The following SCARA3 variants were observed in gnomAD, a reference collection of about 807,000 sequenced individuals.
SCARA3 encodes the protein scavenger receptor class A member 3, also known as cellular stress response gene protein.
SCARA3 carries 39 observed loss-of-function variants against 47.0 expected under a neutral mutation model. The observed-to-expected ratio is 0.83, with a 90% CI of 0.64 to 1.08. The LOEUF (loss-of-function observed/expected upper bound fraction) is 1.08, where lower values mean the gene tolerates loss of function less well. SCARA3 is among the 50% of genes least tolerant of loss of function. The pLI is 0.00. For synonymous variants in SCARA3, 356 were observed against 334.1 expected (o/e 1.07, Z -0.71); for missense variants, 724 against 792.3 (o/e 0.91, Z 1.04).
intron 1 of SCARA3, among the ~76,000 whole-genome samples, chr8:27,644,644 G>GAGAGAC (rs1801453846): frequency 6.6e-6 from 1 of 151,632 alleles, no homozygotes; most frequent in Non-Finnish European, 1.5e-5. Context: ...GAGAGAGAGA[G>GAGAGAC]AGAAGAGAGA....
At chr8:27,707,385 G>A in the SCARA3 span, among the ~76,000 whole-genome samples, 1 of 151,922 alleles carries the variant, frequency 6.6e-6, no homozygotes, top group Non-Finnish European at 1.5e-5. Context: ...CAACCAGTCT[G>A]ATATGGTCAG....
At chr8:27,646,973 C>CT (rs1563402953) in intron 1 of SCARA3, among the ~76,000 whole-genome samples, 1 of 17,440 alleles carries the variant, frequency 5.7e-5, no homozygotes, top group Non-Finnish European at 3.0e-4. Context: ...ACCGCCCCCG[C>CT]CCCCCCCCCG....
rs535849255 is a variant in SCARA3, at chr8:27,659,065, G to A, written c.895G>A (p.Asp299Asn). Residue 299 changes from aspartate (D) to asparagine (N), a missense_variant, in exon 5 of 6, where the codon GAC (aspartate) becomes AAC (asparagine). By Grantham distance (23) the Asp-to-Asn change is conservative. Transcript: ENST00000301904. ...RISQNSESMH[D>N]LVLQVMGLQL... ...CAGCCAGAACTCAGAGAGCATGCAC[G>A]ACCTGGTACTCCAGGTCATGGGCTT... 14 of 1,614,048 alleles carry A rather than the reference G, an allele frequency of 8.7e-6. No individual in the cohort carries two copies. In the South Asian group the frequency reaches 1.2e-4, roughly 14 times the overall value.
chr8:27,641,246 C>A (rs1169506585), intron 1 of SCARA3, among the ~76,000 whole-genome samples: 4 of 152,368 alleles, frequency 2.6e-5, no homozygotes, highest in African/African-American at 9.6e-5. Context: ...CAGAGGGTGC[C>A]AGGCTACTCA....
the SCARA3 span, chr8:27,733,617 A>C: frequency 6.6e-6 from 1 of 152,166 alleles, no homozygotes; most frequent in South Asian, 2.1e-4. Flanking sequence ...TATACTTTTC[A>C]TTGTGGTCTG....
the SCARA3 span, among the ~76,000 whole-genome samples, chr8:27,685,364 C>A: frequency 6.6e-6 from 1 of 152,132 alleles, no homozygotes; most frequent in Non-Finnish European, 1.5e-5. Context: ...ACAAGCAAAT[C>A]CTACCAAAAC....
chr8:27,671,460 G>C lies in SCARA3; in HGVS notation c.*109G>C, dbSNP rs1802154856. 2.3e-6 allele frequency: 3 copies of C among 1,321,344 alleles called. No homozygotes were observed. The East Asian group carries it at 9.1e-5, about 40-fold the overall frequency. 81.9% of individuals were successfully genotyped at this position (1,321,344 alleles called of 1,614,324 possible). A position where few individuals can be genotyped will look rare whatever the true frequency, so the allele number is the denominator to read the frequency against. Reference sequence around the variant, plus strand: ...ACAGCTGTGGTCCTCTGATTCCAATGAGGGGGCTCCCCAGGGCTGACCCTG... The same window carrying C: ...ACAGCTGTGGTCCTCTGATTCCAATCAGGGGGCTCCCCAGGGCTGACCCTG... On this transcript the variant is annotated 3_prime_UTR_variant, in exon 6 of 6. Transcript: ENST00000301904.
the SCARA3 span, chr8:27,702,114 A>G: frequency 6.6e-6 from 1 of 152,184 alleles, no homozygotes; most frequent in South Asian, 2.1e-4. Flanking sequence ...AGCCAAGCGT[A>G]GTGGCAGATC....
intron 5 of SCARA3, among the ~76,000 whole-genome samples, chr8:27,664,939 T>C (rs1801984853): frequency 6.6e-6 from 1 of 152,202 alleles, no homozygotes; most frequent in African/African-American, 2.4e-5. Context: ...ATGTAAAATC[T>C]CTCACAATTG....
At chr8:27,660,348 TGATA>T (rs774369309) in intron 5 of SCARA3, among the ~76,000 whole-genome samples, 33 of 151,876 alleles carry the variant, frequency 2.2e-4, no homozygotes, top group African/African-American at 7.5e-4. Context: ...TGTATAGAGA[TGATA>T]GATAGATAGG....
chr8:27,703,183 A>C, the SCARA3 span: 1 of 152,658 alleles, frequency 6.6e-6, no homozygotes, highest in East Asian at 1.9e-4. Flanking sequence ...TGAGCCGCAC[A>C]GGAGAGGAGC....
rs893074431 is a variant in SCARA3, at chr8:27,653,852, A to G, written c.226+2225A>G. On this transcript the variant is annotated intron_variant, in intron 3 of 5. Coordinates refer to ENST00000301904, the MANE Select transcript of SCARA3 (RefSeq NM_016240.3). ...TTATAATCTAGAGCTGATTATGGCC[A>G]TTTTTTTCTGTAAAAGGCTACATAG... is the stretch of plus-strand genomic sequence containing the variant. 2.6e-5 allele frequency among the ~76,000 whole-genome samples: 4 copies of G among 152,228 alleles called. No homozygotes were observed. In the South Asian group the frequency reaches 6.2e-4, roughly 24 times the overall value.
chr8:27,699,693 C>G, the SCARA3 span, among the ~76,000 whole-genome samples: 53 of 152,234 alleles, frequency 3.5e-4, 1 homozygote, highest in Admixed American at 8.5e-4. Context: ...CTTTGGGAGG[C>G]TCAGGCAGGA....
At chr8:27,688,412 C>G in the SCARA3 span, among the ~76,000 whole-genome samples, 1 of 145,312 alleles carries the variant, frequency 6.9e-6, no homozygotes, top group Non-Finnish European at 1.5e-5. Context: ...AAAAAAAAAA[C>G]CAGCCAGGTG....
At chr8:27,660,695 A>ATAGG (rs1801887927) in intron 5 of SCARA3, among the ~76,000 whole-genome samples, 1 of 58,854 alleles carries the variant, frequency 1.7e-5, no homozygotes, top group Non-Finnish European at 4.5e-5. Context: ...GTGATAGATG[A>ATAGG]TAGATAGATA....
At chr8:27,664,721 G>T (rs1269745954) in intron 5 of SCARA3, among the ~76,000 whole-genome samples, 1 of 149,256 alleles carries the variant, frequency 6.7e-6, no homozygotes, top group Non-Finnish European at 1.5e-5. Flanking sequence ...CATGCGTGGA[G>T]TTTTCATGTG....
intron 1 of SCARA3, among the ~76,000 whole-genome samples, chr8:27,638,454 C>A (rs1563398992): frequency 6.6e-6 from 1 of 151,932 alleles, no homozygotes; most frequent in Non-Finnish European, 1.5e-5. Flanking sequence ...CCAGGTGGAC[C>A]AGATGATCCC....
chr8:27,731,664 A>T, the SCARA3 span, among the ~76,000 whole-genome samples: 7 of 140,094 alleles, frequency 5.0e-5, no homozygotes, highest in African/African-American at 1.9e-4. Flanking sequence ...AAAAAAAAAA[A>T]TGCTGTTTGG....
At chr8:27,641,046 C>A (rs775662331) in intron 1 of SCARA3, among the ~76,000 whole-genome samples, 1 of 152,212 alleles carries the variant, frequency 6.6e-6, no homozygotes, top group East Asian at 1.9e-4. Context: ...TAAGACTCTA[C>A]GAGCATTTAT....
Sources: gnomAD v4.1 joint callset for allele counts (sites outside exome capture counted in the v4.1 genomes callset) on GRCh38, gnomAD v4.1.1 for gene constraint, MANE v1.5 for transcripts, NCBI Gene and HGNC (gene_info 2026-07-23, HGNC 2026-07-21) for gene names.